TMEM223: variants seen among roughly 807,000 people sequenced by gnomAD.
The protein encoded by TMEM223 is transmembrane protein 223.
Under a neutral mutation model 14.1 loss-of-function variants are expected in TMEM223, and 14 were observed. That is an observed-to-expected ratio of 0.99 (90% CI 0.66 to 1.55). The LOEUF (loss-of-function observed/expected upper bound fraction) is 1.55. Among genes scored for constraint, TMEM223 ranks in the 40% most tolerant of loss-of-function variants. TMEM223 has a pLI of 0.00. For missense variants in TMEM223, 346 were observed against 269.9 expected (o/e 1.28, Z -1.97); for synonymous variants, 145 against 120.5 (o/e 1.20, Z -1.33).
chr11:62,786,759 C>T, downstream of TMEM223: 1 of 1,613,012 alleles, frequency 6.2e-7, no homozygotes, highest in Non-Finnish European at 8.5e-7. Flanking sequence ...ACCGGGAGCT[C>T]TACGCCTTCT....
intron 1 of TMEM223, chr11:62,781,870 T>G: frequency 6.2e-7 from 1 of 1,610,714 alleles, no homozygotes; most frequent in Non-Finnish European, 8.5e-7. Flanking sequence ...GTGGATCCAA[T>G]GCAGTCTGGG....
chr11:62,787,020 C>A (rs1031517270), downstream of TMEM223: 1 of 1,492,150 alleles, frequency 6.7e-7, no homozygotes, highest in Non-Finnish European at 8.8e-7. Context: ...ATCGGGCGCG[C>A]GGGGCACCCC....
At position 62,782,201 on chromosome 11, in the gene TMEM223, G is replaced by C; in HGVS notation, c.315-7536C>G. On this transcript the variant is annotated intron_variant, in intron 1 of 2. Transcript: ENST00000528367. ...TTTCGTAATCCGCACCTGTGCTTGGGGCCCTATGTCCGCTGTCTGGTGGGC... is the reference window on the plus strand; with the variant it reads ...TTTCGTAATCCGCACCTGTGCTTGGCGCCCTATGTCCGCTGTCTGGTGGGC... 2.5e-6 allele frequency: 4 copies of C among 1,614,166 alleles called. No homozygotes were observed. The South Asian group carries it at 3.3e-5, about 13-fold the overall frequency.
chr11:62,772,415 C>T (rs1222727888), intron 2 of TMEM223, among the ~76,000 whole-genome samples: 1 of 151,322 alleles, frequency 6.6e-6, no homozygotes, highest in Non-Finnish European at 1.5e-5. Context: ...CCTAGCTACT[C>T]GGGAGGCTGA....
chr11:62,783,097 T>C (rs1272006761), downstream of TMEM223, among the ~76,000 whole-genome samples: 1 of 152,344 alleles, frequency 6.6e-6, no homozygotes, highest in East Asian at 1.9e-4. Context: ...CAATTCCTGT[T>C]GTATTGAGCA....
chr11:62,787,769 C>G (rs2084305655), downstream of TMEM223: 1 of 690,282 alleles, frequency 1.4e-6, no homozygotes. Flanking sequence ...CGTCTTAAAG[C>G]ACTAGGTGGA....
downstream of TMEM223, chr11:62,786,582 T>A: frequency 1.3e-6 from 2 of 1,573,532 alleles, no homozygotes; most frequent in South Asian, 1.2e-5. Context: ...GTGGCCCAGG[T>A]GGCAGGGGGT....
At chr11:62,778,002 G>A (rs1590933968) in intron 1 of TMEM223, 2 of 1,614,152 alleles carry the variant, frequency 1.2e-6, no homozygotes, top group East Asian at 4.5e-5. Flanking sequence ...CGGATCACAG[G>A]AGGCACTGCC....
chr11:62,791,359 T>C (rs1476959786), intron 1 of TMEM223, among the ~76,000 whole-genome samples: 2 of 151,982 alleles, frequency 1.3e-5, no homozygotes, highest in African/African-American at 2.4e-5. Context: ...CCAGGTTCAA[T>C]TGATTCTCCT....
intron 1 of TMEM223, among the ~76,000 whole-genome samples, chr11:62,776,787 G>A (rs1466611776): frequency 6.6e-6 from 1 of 150,504 alleles, no homozygotes; most frequent in East Asian, 2.0e-4. Context: ...GCAGGCAGAG[G>A]TTGTGGTGAG....
At chr11:62,787,827 CAG>C (rs2084306546), downstream of TMEM223, 5 of 661,160 alleles carry the variant, frequency 7.6e-6, no homozygotes, top group South Asian at 7.5e-5. Flanking sequence ...GGTTCCGAAA[CAG>C]AAGTCAGTGC....
At chr11:62,778,871 C>T (rs1389362476) in intron 1 of TMEM223, 2 of 1,613,850 alleles carry the variant, frequency 1.2e-6, no homozygotes, top group Admixed American at 1.7e-5. Flanking sequence ...TCTGGCAGTG[C>T]CCAGTGCTGT....
chr11:62,787,572 T>G (rs1590941638), downstream of TMEM223: 1 of 1,492,668 alleles, frequency 6.7e-7, no homozygotes, highest in Non-Finnish European at 8.9e-7. Flanking sequence ...AGCTGGCCGG[T>G]CTGGACATGG....
rs2084349174 is a variant in TMEM223, at chr11:62,790,586, C to T, written c.*37G>A. Reference sequence around the variant, plus strand: ...GGCTCCCCAAGGTTCAGTTTTTATCCTCCTCTTGGAGAGGTGAGTGACTTG... The same window carrying T: ...GGCTCCCCAAGGTTCAGTTTTTATCTTCCTCTTGGAGAGGTGAGTGACTTG... On this transcript the variant is annotated 3_prime_UTR_variant, in exon 2 of 2. Coordinates refer to ENST00000307366, the MANE Select transcript of TMEM223 (RefSeq NM_001080501.3). The T allele has an allele frequency of 1.3e-6, 2 of 1,559,960 alleles. No individual in the cohort carries two copies. Among genetic ancestry groups the T allele is most frequent in the East Asian group, 2.3e-5 (1 of 43,606 alleles).
rs77121359 is a variant in TMEM223 at position 62,772,015 on chromosome 11, A to G, written c.*91T>C. 2,853 of 446,338 alleles carry G rather than the reference A, an allele frequency of 6.4e-3. 60 individuals are homozygous for G. Among genetic ancestry groups the G allele is most frequent in the African/African-American group, 0.051 (2,514 of 49,654 alleles). 27.6% of individuals were successfully genotyped at this position (446,338 alleles called of 1,614,324 possible). On this transcript the variant is annotated 3_prime_UTR_variant, in exon 3 of 3. Coordinates refer to the TMEM223 transcript ENST00000528367. Reference sequence around the variant, plus strand: ...CTGGCGGCTCCTGAATGCGGTATAGAGTAAAGATTAGGAGCAAGGGGTTGA... The same window carrying G: ...CTGGCGGCTCCTGAATGCGGTATAGGGTAAAGATTAGGAGCAAGGGGTTGA...
At chr11:62,787,524 C>G (rs751944660), downstream of TMEM223, 1 of 1,568,630 alleles carries the variant, frequency 6.4e-7, no homozygotes, top group African/African-American at 1.4e-5. Context: ...TGACTCGGAC[C>G]CAGGTGCGGC....
At chr11:62,776,766 G>A (rs1177726235) in intron 1 of TMEM223, among the ~76,000 whole-genome samples, 1 of 151,254 alleles carries the variant, frequency 6.6e-6, no homozygotes, top group Admixed American at 6.6e-5. Context: ...CATGAGAATC[G>A]CTTGAACCTA....
At chr11:62,779,397 G>A (rs1169141603) in intron 1 of TMEM223, among the ~76,000 whole-genome samples, 3 of 151,752 alleles carry the variant, frequency 2.0e-5, no homozygotes, top group Admixed American at 2.0e-4. Flanking sequence ...GGGTTTCACC[G>A]TGTTAGCCAG....
intron 1 of TMEM223, chr11:62,778,226 T>C: frequency 2.5e-6 from 4 of 1,613,156 alleles, no homozygotes; most frequent in Non-Finnish European, 3.4e-6. Flanking sequence ...CTTGGAGGGG[T>C]AGGCGGTACT....
Sources: allele counts gnomAD v4.1 joint callset (sites outside exome capture counted in the v4.1 genomes callset), GRCh38; gene constraint gnomAD v4.1.1; transcripts MANE v1.5; gene names NCBI Gene and HGNC (gene_info 2026-07-23, HGNC 2026-07-21).